ZFYVE16: variants seen among roughly 807,000 people sequenced by gnomAD.
ZFYVE16 encodes the protein zinc finger FYVE domain-containing protein 16.
ZFYVE16 carries 89 observed loss-of-function variants against 138.1 expected under a neutral mutation model. The ratio of observed to expected loss-of-function variants is 0.64; its 90% CI spans 0.54 to 0.77. The LOEUF (loss-of-function observed/expected upper bound fraction) is 0.77, where lower values mean the gene tolerates loss of function less well. Ranked by LOEUF, ZFYVE16 falls within the 30% of genes least tolerant of loss-of-function variation. The pLI, the probability that ZFYVE16 is intolerant of heterozygous loss-of-function variation, is 0.00. For missense variants in ZFYVE16, 1,793 were observed against 1,786.7 expected (o/e 1.00, Z -0.06); for synonymous variants, 596 against 618.3 (o/e 0.96, Z 0.53).
At chr5:80,408,512 G>T (rs1227521531) in intron 1 of ZFYVE16, among the ~76,000 whole-genome samples, 1 of 152,244 alleles carries the variant, frequency 6.6e-6, no homozygotes, top group African/African-American at 2.4e-5. Flanking sequence ...CCGCCGTCCC[G>T]CCTGGGGAGG....
chr5:80,459,579 C>A (rs1752892540), intron 15 of ZFYVE16, 85 bp downstream of exon 15: 2 of 1,201,600 alleles, frequency 1.7e-6, no homozygotes, highest in South Asian at 2.9e-5. Context: ...TACACAAGAA[C>A]ATATGTAAGT....
In ZFYVE16 at chr5:80,448,134, C is replaced by G; in HGVS notation, c.2833C>G (p.Pro945Ala). Reference sequence around the variant, plus strand: ...AATTCAGAGTCCTATTTCTCAGGTTCCATCAGTGGAAAAATTGTCTATGAA... The same window carrying G: ...AATTCAGAGTCCTATTTCTCAGGTTGCATCAGTGGAAAAATTGTCTATGAA... ...EIIQSPISQVPSVEKLSMNTG... is the reference protein window; with the variant it reads ...EIIQSPISQVASVEKLSMNTG... Residue 945 changes from proline to alanine, a missense_variant, in exon 8 of 19, where the codon CCA (proline) becomes GCA (alanine). Pro to Ala is a conservative substitution (Grantham distance 27, BLOSUM62 -1). Around this residue, in one of 2 missense-constraint regions of ZFYVE16, gnomAD observed 1,295 missense variants for 1,204.3 expected, o/e 1.08. Transcript: ENST00000505560. The G allele has an allele frequency of 6.2e-7, 1 of 1,613,834 alleles. No individual in the cohort carries two copies. Among genetic ancestry groups the G allele is most frequent in the Admixed American group, 1.7e-5 (1 of 59,994 alleles).
At chr5:80,432,329 T>C (rs1292025559) in intron 2 of ZFYVE16, among the ~76,000 whole-genome samples, 1 of 152,114 alleles carries the variant, frequency 6.6e-6, no homozygotes, top group Non-Finnish European at 1.5e-5. Context: ...AAACAAGAAA[T>C]GGGGAAAGGA....
chr5:80,421,070 G>GT lies in ZFYVE16; in HGVS notation c.-93-6416dup, dbSNP rs1747086282. Among the ~76,000 whole-genome samples, 7 of 152,146 alleles carry GT rather than the reference G, an allele frequency of 4.6e-5. 1 individual carries two copies. In the South Asian group the frequency reaches 1.2e-3, roughly 27 times the overall value. On this transcript the variant is annotated intron_variant, in intron 1 of 18. Coordinates refer to ENST00000505560, the MANE Select transcript of ZFYVE16 (RefSeq NM_001284236.3). ...AGTGATGATGAGCATTTTTTCATGT[G>GT]TTTTTTGGCTACATAAATGTCTTCT...
Position 80,439,365 on chromosome 5 carries a change from A to T in ZFYVE16, c.2322+358A>T, listed in dbSNP as rs183507466. Among the ~76,000 whole-genome samples, 943 of 152,300 alleles carry T rather than the reference A, an allele frequency of 6.2e-3. 8 individuals are homozygous for T. The highest frequency in any genetic ancestry group is 0.011 in the Non-Finnish European group (719 of 68,004). ...TTGTCCTTGAACATTTAATTTCAAG[A>T]CCAATCTACAGCTAGTGTTGTGATC... On this transcript the variant is annotated intron_variant, in intron 4 of 18. Transcript: ENST00000505560.
At chr5:80,473,453 C>T (rs1215250469) in intron 16 of ZFYVE16, among the ~76,000 whole-genome samples, 1 of 151,952 alleles carries the variant, frequency 6.6e-6, no homozygotes, top group Non-Finnish European at 1.5e-5. Context: ...TGAAGGATTC[C>T]AAAATAGAGT....
chr5:80,425,983 TTC>T (rs1747932849), intron 1 of ZFYVE16, among the ~76,000 whole-genome samples: 1 of 152,202 alleles, frequency 6.6e-6, no homozygotes, highest in African/African-American at 2.4e-5. Flanking sequence ...TTAACTGGAA[TTC>T]TTATCTAAAG....
intron 15 of ZFYVE16, among the ~76,000 whole-genome samples, chr5:80,467,470 G>T (rs1366857823): frequency 6.6e-6 from 1 of 152,160 alleles, no homozygotes; most frequent in Non-Finnish European, 1.5e-5. Flanking sequence ...GACTAGGATA[G>T]TTATTAGTTT....
chr5:80,445,437 A>G, intron 7 of ZFYVE16, 32 bp downstream of exon 7: 1 of 1,587,046 alleles, frequency 6.3e-7, no homozygotes. Flanking sequence ...TTAATTGACT[A>G]AACAAAATTT....
At chr5:80,431,126 G>A (rs375684294) in intron 2 of ZFYVE16, among the ~76,000 whole-genome samples, 5 of 151,962 alleles carry the variant, frequency 3.3e-5, no homozygotes, top group East Asian at 3.9e-4. Flanking sequence ...CCTGGCAGAG[G>A]CACAACCAAA....
rs745741966 is a variant in ZFYVE16, at chr5:80,438,467, A to G, written c.1782A>G (p.Ile594Met). The G allele has an allele frequency of 6.2e-7, 1 of 1,613,680 alleles. No individual in the cohort carries two copies. Among genetic ancestry groups the G allele is most frequent in the Non-Finnish European group, 8.5e-7 (1 of 1,179,826 alleles). Residue 594 changes from isoleucine to methionine, a missense_variant, in exon 4 of 19, where the codon ATA (isoleucine) becomes ATG (methionine). This residue lies in a region of ZFYVE16 where 1,295 missense variants were observed against 1,204.3 expected (regional missense o/e 1.08). Coordinates refer to ENST00000505560, the MANE Select transcript of ZFYVE16 (RefSeq NM_001284236.3). ...TTGGGGAAAGTCATGGTATTAATAT[A>G]ATTTGTGAAATAGTTGATAAACAAA... Reference protein sequence around the residue: ...GAIGESHGINIICEIVDKQNT... With the variant: ...GAIGESHGINMICEIVDKQNT...
intron 17 of ZFYVE16, 26 bp downstream of exon 17, chr5:80,473,885 CA>C: frequency 6.5e-7 from 1 of 1,550,144 alleles, no homozygotes; most frequent in Non-Finnish European, 8.9e-7. Context: ...GGTCCCTTTA[CA>C]TGCTGTGTTT....
intron 2 of ZFYVE16, among the ~76,000 whole-genome samples, chr5:80,428,559 C>A (rs148712974): frequency 2.6e-5 from 4 of 152,168 alleles, no homozygotes; most frequent in Non-Finnish European, 5.9e-5. Flanking sequence ...TTCTCCTCCC[C>A]CAAAGGAACG....
In ZFYVE16 at chr5:80,451,536, G is replaced by A. The variant is rs754595169; in HGVS notation, c.3434G>A (p.Ser1145Asn). ...DNITFTESFL[S>N]SKDHGGFLFI... is the part of the protein sequence containing the mutation. ...ATTACCTTTACTGAGAGTTTTCTCA[G>A]TAGCAAGGATCACGGAGGATTCCTG... The change falls in exon 11 of 19, where the codon AGT becomes AAT. Residue 1145 changes from serine to asparagine, a missense_variant. By Grantham distance (46) the Ser-to-Asn change is conservative (BLOSUM62 1). Around this residue, in one of 2 missense-constraint regions of ZFYVE16, gnomAD observed 498 missense variants for 582.4 expected, o/e 0.86. Coordinates refer to ENST00000505560, the MANE Select transcript of ZFYVE16 (RefSeq NM_001284236.3). The A allele has an allele frequency of 6.2e-7, 1 of 1,613,820 alleles. No individual in the cohort carries two copies. Among genetic ancestry groups the A allele is most frequent in the Non-Finnish European group, 8.5e-7 (1 of 1,179,920 alleles).
chr5:80,437,837 G>A lies in ZFYVE16; in HGVS notation c.1152G>A (p.Met384Ile), dbSNP rs757032005. 1 of 1,614,078 alleles carries A rather than the reference G, an allele frequency of 6.2e-7. No homozygotes were observed. Among genetic ancestry groups the A allele is most frequent in the Non-Finnish European group, 8.5e-7 (1 of 1,179,974 alleles). Residue 384 changes from methionine (M) to isoleucine (I), a missense_variant, in exon 4 of 19, where the codon ATG becomes ATA. Met to Ile is a conservative substitution (Grantham distance 10). Around this residue, in one of 2 missense-constraint regions of ZFYVE16, gnomAD observed 1,295 missense variants for 1,204.3 expected, o/e 1.08. Coordinates refer to ENST00000505560, the MANE Select transcript of ZFYVE16 (RefSeq NM_001284236.3). ...SLSCLPASGS[M>I]CGSLIESKAR... ...CCTGTCTTCCTGCGTCTGGGTCTAT[G>A]TGTGGATCATTAATTGAAAGTAAAG...
Position 80,438,650 on chromosome 5 carries a change from T to G in ZFYVE16, c.1965T>G (p.Leu655=). 1.2e-6 allele frequency: 2 copies of G among 1,614,078 alleles called. No individual in the cohort carries two copies. Among genetic ancestry groups the G allele is most frequent in the Non-Finnish European group, 1.7e-6 (2 of 1,179,974 alleles). The part of the protein sequence containing the change: ...GGARPKQLFS[L]PSRTRSSKDL... ...CCAGACCTAAGCAATTGTTTAGCCT[T>G]CCATCAAGAACAAGGAGTTCAAAGG... The change falls in exon 4 of 19, where the codon CTT becomes CTG. Residue 655 remains leucine, a synonymous_variant. Coordinates refer to ENST00000505560, the MANE Select transcript of ZFYVE16 (RefSeq NM_001284236.3).
intron 18 of ZFYVE16, 40 bp from the exon 19 acceptor site, chr5:80,477,179 G>T (rs1304809688): frequency 1.3e-6 from 2 of 1,522,646 alleles, no homozygotes; most frequent in East Asian, 2.3e-5. Flanking sequence ...AGTTAAACAA[G>T]ATTGCTCATT....
At chr5:80,477,127 C>T (rs950405223) in intron 18 of ZFYVE16, 92 bp from the exon 19 acceptor site, 4 of 1,061,350 alleles carry the variant, frequency 3.8e-6, no homozygotes, top group African/African-American at 1.6e-5. Context: ...CATGCTTGAA[C>T]TGTATTTTAA....
Position 80,480,984 on chromosome 5 carries a change from T to C in ZFYVE16, c.*3607T>C, listed in dbSNP as rs906732394. Among the ~76,000 whole-genome samples the C allele has an allele frequency of 6.6e-6, 1 of 152,030 alleles. No individual in the cohort carries two copies. The highest frequency in any genetic ancestry group is 6.6e-5 in the Admixed American group (1 of 15,264). ...AGAGAAAAATAGTCCAAGGAACAAT[T>C]TGCTGTTTCTAGTCAGAGGACCAGA... is the stretch of plus-strand genomic sequence containing the variant. On this transcript the variant is annotated 3_prime_UTR_variant, in exon 19 of 19. Transcript: ENST00000505560.
Sources: allele counts gnomAD v4.1 joint callset (sites outside exome capture counted in the v4.1 genomes callset), GRCh38; gene constraint gnomAD v4.1.1; regional missense constraint gnomAD v4.1.1; transcripts MANE v1.5; gene names NCBI Gene and HGNC (gene_info 2026-07-23, HGNC 2026-07-21).